PEDS1: variants seen among roughly 807,000 people sequenced by gnomAD.
PEDS1 encodes plasmanylethanolamine desaturase 1.
PEDS1 carries 14 observed loss-of-function variants against 35.2 expected under a neutral mutation model. The observed-to-expected ratio is 0.40, with a 90% CI of 0.26 to 0.62. The LOEUF (loss-of-function observed/expected upper bound fraction) is 0.62. PEDS1 is among the 20% of genes least tolerant of loss of function. PEDS1 has a pLI of 0.44. For synonymous variants in PEDS1, 152 were observed against 152.0 expected (o/e 1.00, Z 0.00); for missense variants, 260 against 367.8 (o/e 0.71, Z 2.40).
chr20:50,141,821 C>T (rs1403621812), intron 2 of PEDS1, among the ~76,000 whole-genome samples: 1 of 152,190 alleles, frequency 6.6e-6, no homozygotes. Context: ...GCTGGTCCGG[C>T]CCCCGTCCCC....
chr20:50,149,462 C>T (rs1283829716), intron 1 of PEDS1, among the ~76,000 whole-genome samples: 1 of 152,166 alleles, frequency 6.6e-6, no homozygotes, highest in Non-Finnish European at 1.5e-5. Flanking sequence ...GCCTCACCCT[C>T]TGGCCTGCCA....
chr20:50,143,675 T>C, intron 1 of PEDS1, 54 bp from the exon 2 acceptor site: 1 of 1,582,446 alleles, frequency 6.3e-7, no homozygotes, highest in African/African-American at 1.4e-5. Context: ...CCAGGCAGAG[T>C]GTGGCCCCAT....
intron 2 of PEDS1, among the ~76,000 whole-genome samples, chr20:50,134,549 AAAAT>A (rs2081213034): frequency 1.3e-5 from 2 of 152,234 alleles, no homozygotes. Flanking sequence ...CTCTGTCTCA[AAAAT>A]AAATGAATGA....
At chr20:50,153,445 C>T (rs1255428566) in intron 1 of PEDS1, 72 bp downstream of exon 1, 129 of 1,248,504 alleles carry the variant, frequency 1.0e-4, no homozygotes, top group Non-Finnish European at 1.3e-4. Flanking sequence ...GAGGTTGGGA[C>T]TCCAGTCTGG....
chr20:50,135,810 G>T (rs920530092), intron 2 of PEDS1, among the ~76,000 whole-genome samples: 3 of 152,078 alleles, frequency 2.0e-5, no homozygotes, highest in African/African-American at 7.2e-5. Context: ...TTATTTAAAC[G>T]GATTCAGATG....
At chr20:50,126,888 G>A (rs753748440) in intron 5 of PEDS1, among the ~76,000 whole-genome samples, 6 of 152,234 alleles carry the variant, frequency 3.9e-5, no homozygotes, top group Non-Finnish European at 7.4e-5. Context: ...TCTAATCTGT[G>A]CTCATCTATC....
rs6012846 is a variant in PEDS1, at chr20:50,120,977, T to C, written c.*4081A>G. 89,424 of 152,048 alleles carry C rather than the reference T, an allele frequency of 0.59. 27,558 individuals carry two copies. Among genetic ancestry groups the C allele is most frequent in the African/African-American group, 0.79 (32,883 of 41,452 alleles). 9.4% of individuals were successfully genotyped at this position (152,048 alleles called of 1,614,324 possible). A position where few individuals can be genotyped will look rare whatever the true frequency, so the allele number is the denominator to read the frequency against. On this transcript the variant is annotated 3_prime_UTR_variant, in exon 6 of 6. Transcript: ENST00000371652. ...ACAGCTCCCCCGGTTGAGCTGGAAA[T>C]CCATGTTTGCCCTGCATGCCACTAC...
In PEDS1 at chr20:50,129,652, C is replaced by T. The variant is rs6122878; in HGVS notation, c.372G>A (p.Pro124=). Residue 124 remains proline, a synonymous_variant, in exon 4 of 6, where the codon CCG becomes CCA. Coordinates refer to ENST00000371652, the MANE Select transcript of PEDS1 (RefSeq NM_199129.4). The surrounding 1 kb of genome is among the most constrained non-coding windows in gnomAD (Gnocchi z 4.2). ...IRPFREHHID[P]TAITRHDFIE... is the part of the protein sequence containing the mutation. The stretch of plus-strand genomic sequence containing the variant: ...TGAAGTCGTGCCGTGTGATAGCTGT[C>T]GGGTCAATGTGGTGCTCCCGGAAGG... 444,948 of 1,613,630 alleles carry T rather than the reference C, an allele frequency of 0.28. 62,029 individuals are homozygous for T. The highest frequency in any genetic ancestry group is 0.36 in the Middle Eastern group (2,158 of 6,062).
intron 1 of PEDS1, among the ~76,000 whole-genome samples, chr20:50,146,700 C>T (rs1601232319): frequency 1.3e-5 from 2 of 152,192 alleles, no homozygotes; most frequent in Admixed American, 1.3e-4. Flanking sequence ...GAACGGAACA[C>T]ACCAGGGTTA....
rs2081082948 is a variant in PEDS1, at chr20:50,124,884, A to G, written c.*174T>C. On this transcript the variant is annotated 3_prime_UTR_variant, in exon 6 of 6. Transcript: ENST00000371652. ...GAGGAAAAAAAAAAAAAAGAAATGA[A>G]AAATCAGTGGCTCAAGTATTCTGTG... 1.2e-6 allele frequency: 1 copy of G among 844,708 alleles called. No homozygotes were observed. The highest frequency in any genetic ancestry group is 1.8e-6 in the Non-Finnish European group (1 of 559,546). 52.3% of individuals were successfully genotyped at this position (844,708 alleles called of 1,614,324 possible). A position where few individuals can be genotyped will look rare whatever the true frequency, so the allele number is the denominator to read the frequency against.
rs1601203072 is a variant in PEDS1, at chr20:50,124,495, T to A, written c.*563A>T. The A allele has an allele frequency of 6.5e-6, 1 of 153,680 alleles. No individual in the cohort carries two copies. The highest frequency in any genetic ancestry group is 2.0e-4 in the South Asian group (1 of 4,904). The allele number at this position is 153,680 out of a possible 1,614,324, so 9.5% of individuals were successfully genotyped here. On this transcript the variant is annotated 3_prime_UTR_variant, in exon 6 of 6. Transcript: ENST00000371652. The stretch of plus-strand genomic sequence containing the variant: ...AGGGGTCTAGACTTGAGCAGGAGGT[T>A]CCAGCCTCTTCTGGCCGGCTACCCT...
chr20:50,128,002 G>C lies in PEDS1; in HGVS notation c.664C>G (p.His222Asp). ...KHHRIHHVSP[H>D]ETYFCITTGW... The stretch of plus-strand genomic sequence containing the variant: ...GTGGTGATGCAGAAGTAGGTCTCGT[G>C]GGGTGAGACGTGGTGGATGCGATGG... The change falls in exon 5 of 6, where the codon CAC (histidine) becomes GAC (aspartate). Residue 222 changes from histidine to aspartate, a missense_variant. By Grantham distance (81) the His-to-Asp change is moderately conservative. Coordinates refer to ENST00000371652, the MANE Select transcript of PEDS1 (RefSeq NM_199129.4). This position sits in a 1 kb window ranked among gnomAD's most constrained non-coding sequence, Gnocchi z 5.2. 6.2e-7 allele frequency: 1 copy of C among 1,614,132 alleles called. No homozygotes were observed. The highest frequency in any genetic ancestry group is 8.5e-7 in the Non-Finnish European group (1 of 1,180,012).
At chr20:50,146,316 G>A (rs1164804629) in intron 1 of PEDS1, among the ~76,000 whole-genome samples, 2 of 151,976 alleles carry the variant, frequency 1.3e-5, no homozygotes, top group Admixed American at 6.6e-5. Flanking sequence ...CCCCCCACAC[G>A]AGGCCCATTG....
In PEDS1 at chr20:50,153,504, C is replaced by T. The variant is rs1225253419; in HGVS notation, c.121+13G>A. 1.5e-6 allele frequency: 2 copies of T among 1,370,396 alleles called. No individual in the cohort carries two copies. Among genetic ancestry groups the T allele is most frequent in the Admixed American group, 6.0e-5 (2 of 33,210 alleles). The allele number at this position is 1,370,396 out of a possible 1,614,324, so 84.9% of individuals were successfully genotyped here. A position where few individuals can be genotyped will look rare whatever the true frequency, so the allele number is the denominator to read the frequency against. On this transcript the variant is annotated intron_variant, in intron 1 of 5. Transcript: ENST00000371652. Reference sequence around the variant, plus strand: ...GGTGACCGCAGGCCTGGAGGGGGGCCCAGAGGTCTTACCTGGCGAGTAGAG... The same window carrying T: ...GGTGACCGCAGGCCTGGAGGGGGGCTCAGAGGTCTTACCTGGCGAGTAGAG...
chr20:50,134,685 T>G (rs977261047), intron 2 of PEDS1, among the ~76,000 whole-genome samples: 7 of 152,208 alleles, frequency 4.6e-5, no homozygotes, highest in Non-Finnish European at 1.0e-4. Flanking sequence ...GGGCTCCTGA[T>G]GAGATGGGGA....
intron 2 of PEDS1, among the ~76,000 whole-genome samples, chr20:50,136,722 C>CAG (rs768151281): frequency 2.9e-5 from 2 of 70,134 alleles, no homozygotes; most frequent in African/African-American, 1.4e-4. Context: ...GACTCTGCCT[C>CAG]AAAAAAAAAA....
rs766321891 is a variant in PEDS1, at chr20:50,131,053, T to C, written c.242-106A>G. On this transcript the variant is annotated intron_variant, in intron 2 of 5. Transcript: ENST00000371652. ...TCATTCATTTGTTAGGAGGGGAAGG[T>C]GTCCCTTCTTCTCTAGTTGGGATGT... 22 of 1,586,108 alleles carry C rather than the reference T, an allele frequency of 1.4e-5. No homozygotes were observed. In the East Asian group the frequency reaches 4.3e-4, roughly 31 times the overall value.
chr20:50,129,825 C>T lies in PEDS1; in HGVS notation c.334-135G>A. 7.1e-7 allele frequency: 1 copy of T among 1,408,466 alleles called. No homozygotes were observed. The allele number at this position is 1,408,466 out of a possible 1,614,324, so 87.2% of individuals were successfully genotyped here. A position where few individuals can be genotyped will look rare whatever the true frequency, so the allele number is the denominator to read the frequency against. On this transcript the variant is annotated intron_variant, in intron 3 of 5. Coordinates refer to ENST00000371652, the MANE Select transcript of PEDS1 (RefSeq NM_199129.4). This position sits in a 1 kb window ranked among gnomAD's most constrained non-coding sequence, Gnocchi z 4.2. ...GTTTCCTCCACCCGGGATGCTTGAACATTCCCACCTGGCCCACTGCCAGAC... is the reference window on the plus strand; with the variant it reads ...GTTTCCTCCACCCGGGATGCTTGAATATTCCCACCTGGCCCACTGCCAGAC...
chr20:50,129,588 G>A lies in PEDS1; in HGVS notation c.436C>T (p.Pro146Ser). Residue 146 changes from proline (P) to serine (S), a missense_variant, in exon 4 of 6, where the codon CCG (proline) becomes TCG (serine). Physicochemically the swap from Pro to Ser is moderately conservative, Grantham distance 74. Transcript: ENST00000371652. The surrounding 1 kb of genome is among the most constrained non-coding windows in gnomAD (Gnocchi z 4.2). ...NGDNCLVTLL[P>S]LLNMAYKFRT... is the part of the protein sequence containing the mutation. ...AACTTGTAGGCCATGTTTAGCAGCG[G>A]CAGCAGTGTCACCAGGCAGTTGTCC... The A allele has an allele frequency of 6.2e-7, 1 of 1,614,144 alleles. No homozygotes were observed. The highest frequency in any genetic ancestry group is 8.5e-7 in the Non-Finnish European group (1 of 1,180,018).
Sources: allele counts gnomAD v4.1 joint callset (sites outside exome capture counted in the v4.1 genomes callset), GRCh38; gene constraint gnomAD v4.1.1; non-coding constraint Gnocchi (gnomAD v3.1); transcripts MANE v1.5; gene names NCBI Gene and HGNC (gene_info 2026-07-23, HGNC 2026-07-21).